Variants in AMMECR1 observed in about 807,000 individuals in gnomAD.
AMMECR1 encodes nuclear protein AMMECR1.
In AMMECR1, 3 loss-of-function variants were observed where a neutral mutation model predicts 22.5. The observed-to-expected ratio is 0.13, with a 90% CI of 0.06 to 0.35. The LOEUF is 0.35. Ranked by LOEUF, AMMECR1 falls within the 10% of genes least tolerant of loss-of-function variation. AMMECR1 has a pLI of 1.00. For synonymous variants in AMMECR1, 130 were observed against 116.7 expected (o/e 1.11, Z -0.74); for missense variants, 235 against 278.7 (o/e 0.84, Z 1.12).
intron 2 of AMMECR1, among the ~76,000 whole-genome samples, chrX:110,401,232 G>A (rs2068562469): frequency 1.8e-5 from 2 of 111,290 alleles, no homozygotes; most frequent in Admixed American, 9.5e-5. Flanking sequence ...CTCTTCCCTC[G>A]CTTGTGTGTA....
chrX:110,339,969 AACATACAC>A lies in AMMECR1; in HGVS notation c.-147-22128_-147-22121del, dbSNP rs1377781616. Among the ~76,000 whole-genome samples the A allele has an allele frequency of 4.7e-3, 419 of 90,037 alleles. 1 individual carries two copies. The highest frequency in any genetic ancestry group is 0.017 in the African/African-American group (391 of 22,757). The allele number at this position is 90,037 out of a possible 115,157, so 78.2% of individuals were successfully genotyped here. ...GATTTTTTGCTGTAGTTGAAGGCAA[AACATACAC>A]ACACACACACACACACACACACACA... On this transcript the variant is annotated intron_variant, in intron 2 of 7. Coordinates refer to the AMMECR1 transcript ENST00000372057.
chrX:110,228,592 T>C (rs756814486), intron 2 of AMMECR1, among the ~76,000 whole-genome samples: 3 of 110,940 alleles, frequency 2.7e-5, no homozygotes, highest in Non-Finnish European at 5.7e-5. Flanking sequence ...GCTAAAACAG[T>C]GAAACAGTGA....
chrX:110,318,539 C>T (rs1397529736), upstream of AMMECR1, among the ~76,000 whole-genome samples: 2 of 110,202 alleles, frequency 1.8e-5, no homozygotes, highest in East Asian at 5.8e-4. Flanking sequence ...ATCCAGGTCC[C>T]AAAGCACAGC....
intron 2 of AMMECR1, among the ~76,000 whole-genome samples, chrX:110,248,703 A>G (rs2067671815): frequency 1.8e-5 from 2 of 112,468 alleles, no homozygotes; most frequent in Non-Finnish European, 3.8e-5. Context: ...ATTTCTAAGG[A>G]ACTGTCTCAC....
At chrX:110,436,947 T>C (rs1205220489) in intron 1 of AMMECR1, among the ~76,000 whole-genome samples, 2 of 112,060 alleles carry the variant, frequency 1.8e-5, no homozygotes, top group African/African-American at 6.5e-5. Flanking sequence ...GCTTTGTTAG[T>C]GCTTCAGGAG....
intron 1 of AMMECR1, among the ~76,000 whole-genome samples, chrX:110,429,101 C>T (rs1251462635): frequency 8.9e-6 from 1 of 112,093 alleles, no homozygotes; most frequent in East Asian, 2.8e-4. Flanking sequence ...TCAAGAATTG[C>T]TCAATTCTCA....
chrX:110,291,827 C>T (rs1303553198), intron 1 of AMMECR1, among the ~76,000 whole-genome samples: 1 of 111,856 alleles, frequency 8.9e-6, no homozygotes, highest in African/African-American at 3.3e-5. Flanking sequence ...GAACTCTTTT[C>T]TAATTCACAT....
At chrX:110,410,537 G>T (rs1429504416) in intron 2 of AMMECR1, among the ~76,000 whole-genome samples, 1 of 111,831 alleles carries the variant, frequency 8.9e-6, no homozygotes, top group Admixed American at 9.5e-5. Context: ...GAAAATAGGA[G>T]CTTTTAAAAA....
chrX:110,289,640 G>A (rs2067897932), intron 1 of AMMECR1, among the ~76,000 whole-genome samples: 1 of 111,614 alleles, frequency 9.0e-6, no homozygotes, highest in African/African-American at 3.3e-5. Flanking sequence ...AATGTGCCCA[G>A]CCTATTTATC....
At chrX:110,360,974 T>A (rs1027711625) in intron 2 of AMMECR1, among the ~76,000 whole-genome samples, 1 of 111,660 alleles carries the variant, frequency 9.0e-6, no homozygotes, top group Non-Finnish European at 1.9e-5. Context: ...CTTCGTGGCT[T>A]AATATACTAT....
intron 1 of AMMECR1, among the ~76,000 whole-genome samples, chrX:110,274,040 T>G (rs761023571): frequency 1.8e-5 from 2 of 111,989 alleles, no homozygotes; most frequent in Non-Finnish European, 3.8e-5. Context: ...GGTAGTTTGA[T>G]AGTGATTGTG....
intron 2 of AMMECR1, among the ~76,000 whole-genome samples, chrX:110,247,390 T>C (rs985256048): frequency 9.0e-6 from 1 of 111,592 alleles, no homozygotes; most frequent in Non-Finnish European, 1.9e-5. Context: ...ACCCCGTCTC[T>C]ACAAAAAATA....
At chrX:110,407,721 G>A (rs2068612606) in intron 2 of AMMECR1, among the ~76,000 whole-genome samples, 1 of 112,269 alleles carries the variant, frequency 8.9e-6, no homozygotes, top group Admixed American at 9.4e-5. Context: ...ATGGTTTGGG[G>A]CTATCTGTGT....
At chrX:110,307,631 C>G (rs534874959) in intron 1 of AMMECR1, among the ~76,000 whole-genome samples, 2 of 110,826 alleles carry the variant, frequency 1.8e-5, no homozygotes, top group South Asian at 7.6e-4. Context: ...TGTGCATAGA[C>G]AAGTCAAGAA....
chrX:110,348,997 G>C (rs147916190), intron 2 of AMMECR1, among the ~76,000 whole-genome samples: 1,578 of 112,005 alleles, frequency 0.014, 28 homozygotes, highest in African/African-American at 0.049. Context: ...GGCCTGAACT[G>C]TTAAATGAGC....
At chrX:110,419,795 G>T (rs750784583) in intron 2 of AMMECR1, among the ~76,000 whole-genome samples, 1 of 112,449 alleles carries the variant, frequency 8.9e-6, no homozygotes, top group African/African-American at 3.2e-5. Flanking sequence ...AGTCCTTGGA[G>T]TCTCATCGCC....
chrX:110,430,039 G>T (rs776264480), intron 1 of AMMECR1, among the ~76,000 whole-genome samples: 2 of 111,953 alleles, frequency 1.8e-5, no homozygotes, highest in Non-Finnish European at 3.8e-5. Flanking sequence ...TTCTTCCAGG[G>T]AGGATTTGTG....
chrX:110,280,776 T>A (rs1441795781), intron 1 of AMMECR1, among the ~76,000 whole-genome samples: 3 of 112,050 alleles, frequency 2.7e-5, no homozygotes, highest in Non-Finnish European at 5.6e-5. Context: ...TTCAACTGAA[T>A]TGCATAAACA....
chrX:110,377,811 C>A (rs2148270324), intron 2 of AMMECR1, among the ~76,000 whole-genome samples: 1 of 108,603 alleles, frequency 9.2e-6, no homozygotes, highest in South Asian at 4.0e-4. Flanking sequence ...AGATCGAGAC[C>A]ATCCTGGCTA....
Sources: gnomAD v4.1 joint callset for allele counts (sites outside exome capture counted in the v4.1 genomes callset) on GRCh38, gnomAD v4.1.1 for gene constraint, MANE v1.5 for transcripts, NCBI Gene and HGNC (gene_info 2026-07-23, HGNC 2026-07-21) for gene names.